Variants in UBR2 observed in about 807,000 individuals in gnomAD.
UBR2 encodes the protein ubiquitin protein ligase E3 component n-recognin 2, also known as E3 ubiquitin-protein ligase UBR2.
A neutral mutation model predicts 247.9 loss-of-function variants in UBR2; 92 were observed. The ratio of observed to expected loss-of-function variants is 0.37; its 90% confidence interval spans 0.31 to 0.44. UBR2 has a LOEUF of 0.44. Among genes scored for constraint, UBR2 ranks in the 20% least tolerant of loss-of-function variants. The probability of loss-of-function intolerance (pLI) is 1.00; values close to 1 mark genes in which losing one functional copy is unlikely to be tolerated. For synonymous variants in UBR2, 672 were observed against 693.5 expected (o/e 0.97, Z 0.49); for missense variants, 1,613 against 2,112.6 (o/e 0.76, Z 4.64).
intron 11 of UBR2, among the ~76,000 whole-genome samples, chr6:42,621,472 G>GT (rs1466504170): frequency 2.0e-5 from 3 of 150,990 alleles, no homozygotes; most frequent in Non-Finnish European, 3.0e-5. Flanking sequence ...TTGTTTGTTT[G>GT]TTTTTTTGAG....
In UBR2 at chr6:42,665,448, G is replaced by A. The variant is rs1473878417; in HGVS notation, c.3738G>A (p.Trp1246Ter). 1 of 1,613,214 alleles carries A rather than the reference G, an allele frequency of 6.2e-7. No homozygotes were observed. Among genetic ancestry groups the A allele is most frequent in the Admixed American group, 1.7e-5 (1 of 59,956 alleles). Residue 1246 changes from tryptophan to a stop codon, truncating the protein, a stop_gained, in exon 33 of 47, where the codon TGG becomes TGA. Transcript: ENST00000372901. LOFTEE classifies it high-confidence loss of function. ...CAGACCAACCAAATCTGACTCAGTG[G>A]ATTAGAACAATATCTCAGCAAATAA... ...NFSDQPNLTQ[W>*]IRTISQQIKA...
intron 7 of UBR2, among the ~76,000 whole-genome samples, chr6:42,611,052 G>A (rs1794040285): frequency 6.6e-6 from 1 of 150,690 alleles, no homozygotes; most frequent in Non-Finnish European, 1.5e-5. Context: ...CACCATGTTG[G>A]TGAGGCTGGT....
At chr6:42,635,388 T>C (rs1175984449) in intron 13 of UBR2, 30 bp from the exon 14 acceptor site, 1 of 1,603,090 alleles carries the variant, frequency 6.2e-7, no homozygotes, top group East Asian at 2.2e-5. Context: ...ATTATTTTCA[T>C]TCATATATAA....
intron 21 of UBR2, among the ~76,000 whole-genome samples, chr6:42,646,494 A>G (rs909490237): frequency 5.9e-5 from 9 of 152,254 alleles, no homozygotes; most frequent in Middle Eastern, 3.4e-3. Flanking sequence ...TACTATATTT[A>G]CCATTTCATC....
chr6:42,592,266 G>T, intron 3 of UBR2, 37 bp downstream of exon 3: 1 of 1,368,770 alleles, frequency 7.3e-7, no homozygotes, highest in Non-Finnish European at 9.8e-7. Context: ...GCGCAGTATT[G>T]CATTTTATAA....
chr6:42,667,587 CTTTTTTTTTTT>C (rs1161068427), intron 34 of UBR2, among the ~76,000 whole-genome samples: 4 of 47,428 alleles, frequency 8.4e-5, no homozygotes, highest in Non-Finnish European at 1.0e-4. Flanking sequence ...ACAGTTTTGT[CTTTTTTTTTTT>C]TTTTTTTTTT....
At chr6:42,636,851 TGAGGGACACTGGAA>T (rs1796130825) in intron 14 of UBR2, among the ~76,000 whole-genome samples, 146 bp from the exon 15 acceptor site, 1 of 152,090 alleles carries the variant, frequency 6.6e-6, no homozygotes, top group Admixed American at 6.5e-5. Context: ...TTCACTGAGA[TGAGGGACACTGGAA>T]GAGGGACCAA....
intron 2 of UBR2, among the ~76,000 whole-genome samples, chr6:42,579,324 C>T (rs1220033545): frequency 6.6e-6 from 1 of 152,084 alleles, no homozygotes; most frequent in Non-Finnish European, 1.5e-5. Flanking sequence ...AGAACAGCAC[C>T]AAGAGGATGG....
intron 8 of UBR2, among the ~76,000 whole-genome samples, chr6:42,613,839 T>A (rs994204622): frequency 3.9e-5 from 6 of 151,974 alleles, no homozygotes; most frequent in Middle Eastern, 3.4e-3. Context: ...ATTTTTTTTT[T>A]AATTTTGCAT....
At chr6:42,643,466 T>C (rs1796562496) in intron 18 of UBR2, among the ~76,000 whole-genome samples, 6 of 152,054 alleles carry the variant, frequency 3.9e-5, no homozygotes, top group Admixed American at 3.9e-4. Context: ...CATGGTGTCA[T>C]GCGCCTGTAG....
chr6:42,688,783 C>T (rs1192573366), intron 45 of UBR2, among the ~76,000 whole-genome samples: 1 of 152,208 alleles, frequency 6.6e-6, no homozygotes, highest in African/African-American at 2.4e-5. Context: ...TGATTAGTGA[C>T]TACTATGTAC....
In UBR2 at chr6:42,659,443, G is replaced by A. The variant is rs1421714674; in HGVS notation, c.3243-213G>A. Among the ~76,000 whole-genome samples, 2 of 151,840 alleles carry A rather than the reference G, an allele frequency of 1.3e-5. No homozygotes were observed. Among genetic ancestry groups the A allele is most frequent in the East Asian group, 1.9e-4 (1 of 5,188 alleles). On this transcript the variant is annotated intron_variant, in intron 29 of 46. Coordinates refer to ENST00000372901, the MANE Select transcript of UBR2 (RefSeq NM_001363705.2). This position sits in a 1 kb window ranked among gnomAD's most constrained non-coding sequence, Gnocchi z 4.3. ...TTGAACCTGCGAGGCGGAGGTTGCA[G>A]TGAGCCAAGATTGTGCCACTCACCC...
Position 42,574,107 on chromosome 6 carries a change from A to G in UBR2, c.338+114A>G. 3.8e-6 allele frequency: 4 copies of G among 1,046,470 alleles called. No individual in the cohort carries two copies. In the South Asian group the frequency reaches 8.1e-5, roughly 21 times the overall value. 64.8% of individuals were successfully genotyped at this position (1,046,470 alleles called of 1,614,324 possible). ...TATGAAATACCATATCTGCTTAAAA[A>G]TCTGTATTACAAATACATGCTATTT... On this transcript the variant is annotated intron_variant, in intron 2 of 46. Transcript: ENST00000372901.
In UBR2 at chr6:42,617,480, G is replaced by C. The variant is rs528845849; in HGVS notation, c.1254G>C (p.Ser418=). ...GAGAGTTTTCAGTCGCAGACCTCTCGGTTCAGATATTCACGGTTCCTTCAC... is the reference window on the plus strand; with the variant it reads ...GAGAGTTTTCAGTCGCAGACCTCTCCGTTCAGATATTCACGGTTCCTTCAC... ...HDREFSVADL[S]VQIFTVPSLA... Residue 418 remains serine, a synonymous_variant, in exon 11 of 47, where the codon TCG becomes TCC. Coordinates refer to ENST00000372901, the MANE Select transcript of UBR2 (RefSeq NM_001363705.2). 21 of 1,552,620 alleles carry C rather than the reference G, an allele frequency of 1.4e-5. No individual in the cohort carries two copies. Among genetic ancestry groups the C allele is most frequent in the Non-Finnish European group, 1.8e-5 (21 of 1,147,606 alleles).
chr6:42,606,197 T>G (rs924229456), intron 6 of UBR2, among the ~76,000 whole-genome samples: 1 of 151,542 alleles, frequency 6.6e-6, no homozygotes, highest in Non-Finnish European at 1.5e-5. Context: ...GAGCCGAGAT[T>G]GCGCCATTGC....
intron 11 of UBR2, among the ~76,000 whole-genome samples, chr6:42,629,042 G>A (rs1390270644): frequency 2.0e-5 from 3 of 151,982 alleles, no homozygotes; most frequent in Non-Finnish European, 4.4e-5. Flanking sequence ...TTGAGATAGA[G>A]TTTCGCTCTT....
At chr6:42,644,637 T>A in intron 20 of UBR2, 101 bp downstream of exon 20, 1 of 949,354 alleles carries the variant, frequency 1.1e-6, no homozygotes, top group Non-Finnish European at 1.6e-6. Flanking sequence ...TTTGAGAGGA[T>A]GCTCAGTCTT....
At chr6:42,644,573 A>G in intron 20 of UBR2, 37 bp downstream of exon 20, 1 of 1,566,174 alleles carries the variant, frequency 6.4e-7, no homozygotes, top group Non-Finnish European at 8.7e-7. Flanking sequence ...AATAAATTAC[A>G]CTGACGTTTA....
chr6:42,625,877 G>T (rs1206092127), intron 11 of UBR2, among the ~76,000 whole-genome samples: 2 of 149,636 alleles, frequency 1.3e-5, no homozygotes, highest in Non-Finnish European at 3.0e-5. Context: ...GCAGTGGTGC[G>T]ATCTCGGCTC....
Sources: allele counts gnomAD v4.1 joint callset (sites outside exome capture counted in the v4.1 genomes callset), GRCh38; gene constraint gnomAD v4.1.1; non-coding constraint Gnocchi (gnomAD v3.1); transcripts MANE v1.5; gene names NCBI Gene and HGNC (gene_info 2026-07-23, HGNC 2026-07-21).